Variants in CTBP2 observed in about 807,000 individuals in gnomAD.
CTBP2 encodes C-terminal binding protein 2.
Under a neutral mutation model 80.3 loss-of-function variants are expected in CTBP2, and 30 were observed. The ratio of observed to expected loss-of-function variants is 0.37; its 90% CI spans 0.28 to 0.51. The LOEUF is 0.51. Ranked by LOEUF, CTBP2 falls within the 20% of genes least tolerant of loss-of-function variation. The pLI is 0.93. For synonymous variants in CTBP2, 594 were observed against 587.4 expected, an observed-to-expected ratio of 1.01 and a Z score of -0.16; for missense variants, 1,212 against 1,375.3, an observed-to-expected ratio of 0.88 and a Z score of 1.88.
At position 125,026,571 on chromosome 10, in the gene CTBP2, G is replaced by C. The variant is rs76134089; in HGVS notation, c.1189C>G (p.Pro397Ala). 5.5e-3 allele frequency: 8,508 copies of C among 1,541,548 alleles called. 423 individuals are homozygous for C. The African/African-American group carries it at 0.11, about 20-fold the overall frequency. ...CGGCGAGCCGGGTCTCCAGCTCGGG[G>C]GGATGCTGTCTGCAGAGGAGCCGCA... Residue 397 changes from proline to alanine, a missense_variant, in exon 1 of 9, where the codon CCC becomes GCC. Transcript: ENST00000309035.
Position 125,052,954 on chromosome 10 carries a change from C to T in CTBP2, c.-101-13799G>A, listed in dbSNP as rs140416679. ...TTTCTGACTGTCAAAGCATTCTCTC[C>T]GGTCCATTCTCAAATTCTTCCCCCA... On this transcript the variant is annotated intron_variant, in intron 2 of 10. Transcript: ENST00000337195. Among the ~76,000 whole-genome samples, 408 of 152,322 alleles carry T rather than the reference C, an allele frequency of 2.7e-3. 2 individuals are homozygous for T. The highest frequency in any genetic ancestry group is 8.9e-3 in the African/African-American group (372 of 41,566).
chr10:125,154,192 G>C (rs927064997), intron 1 of CTBP2, among the ~76,000 whole-genome samples: 4 of 152,174 alleles, frequency 2.6e-5, no homozygotes, highest in Non-Finnish European at 4.4e-5. Flanking sequence ...AAGTATTTTT[G>C]TATTTTATAA....
At chr10:125,088,078 C>G (rs896126985) in intron 2 of CTBP2, 1 of 152,354 alleles carries the variant, frequency 6.6e-6, no homozygotes, top group African/African-American at 2.4e-5. Flanking sequence ...GGACGCCAGC[C>G]CACAGAGAAC....
intron 2 of CTBP2, among the ~76,000 whole-genome samples, chr10:125,064,507 G>A (rs1453042195): frequency 6.6e-6 from 1 of 152,068 alleles, no homozygotes; most frequent in African/African-American, 2.4e-5. Flanking sequence ...ACTTCTCAAG[G>A]GAAGAGAGCC....
At chr10:125,072,497 TC>T (rs1402267659) in intron 2 of CTBP2, among the ~76,000 whole-genome samples, 1 of 151,714 alleles carries the variant, frequency 6.6e-6, no homozygotes. Context: ...GCGCCTGTAA[TC>T]CCAGGTCCTC....
At chr10:125,093,246 T>C (rs1849051941) in intron 2 of CTBP2, among the ~76,000 whole-genome samples, 2 of 152,178 alleles carry the variant, frequency 1.3e-5, no homozygotes, top group African/African-American at 4.8e-5. Context: ...ACTCCAGCAA[T>C]CTGAGGGTGG....
At chr10:124,997,133 A>G (rs1216331829) in intron 4 of CTBP2, 1 of 152,230 alleles carries the variant, frequency 6.6e-6, no homozygotes, top group African/African-American at 2.4e-5. Flanking sequence ...AGGCCAGAAC[A>G]TTACTGGCCC....
chr10:124,994,259 C>G (rs1589918172), intron 5 of CTBP2, among the ~76,000 whole-genome samples: 1 of 152,202 alleles, frequency 6.6e-6, no homozygotes, highest in African/African-American at 2.4e-5. Flanking sequence ...GAAGCTGGGT[C>G]CTGGCTAGCG....
chr10:125,055,687 A>G (rs896150117), intron 2 of CTBP2, among the ~76,000 whole-genome samples: 1 of 152,220 alleles, frequency 6.6e-6, no homozygotes, highest in African/African-American at 2.4e-5. Context: ...TCTCCAGAGC[A>G]GACACAGAAC....
At chr10:125,061,538 A>T (rs527945644) in intron 2 of CTBP2, among the ~76,000 whole-genome samples, 5 of 152,170 alleles carry the variant, frequency 3.3e-5, no homozygotes, top group Non-Finnish European at 7.4e-5. Flanking sequence ...TTTGACACCA[A>T]ATCCCACACA....
At chr10:125,151,917 C>CG (rs1565054533) in intron 1 of CTBP2, among the ~76,000 whole-genome samples, 2 of 152,166 alleles carry the variant, frequency 1.3e-5, no homozygotes, top group South Asian at 2.1e-4. Context: ...GGGCACGGAG[C>CG]GGGGGGAGGG....
At chr10:125,098,903 C>T (rs527295929) in intron 2 of CTBP2, among the ~76,000 whole-genome samples, 3 of 152,150 alleles carry the variant, frequency 2.0e-5, no homozygotes, top group African/African-American at 4.8e-5. Context: ...CTCCTCCCTG[C>T]GCCCCCTCCA....
chr10:125,002,326 C>T (rs1195884469), intron 3 of CTBP2, among the ~76,000 whole-genome samples: 1 of 152,180 alleles, frequency 6.6e-6, no homozygotes, highest in Non-Finnish European at 1.5e-5. Context: ...GGGCAGAGGC[C>T]CCCCTCAACA....
Position 125,040,454 on chromosome 10 carries a change from T to A in CTBP2, c.-101-1299A>T, listed in dbSNP as rs1168349821. Among the ~76,000 whole-genome samples the A allele has an allele frequency of 3.8e-5, 4 of 104,436 alleles. No homozygotes were observed. The South Asian group carries it at 1.0e-3, about 27-fold the overall frequency. The allele number at this position is 104,436 out of a possible 152,430, so 68.5% of individuals were successfully genotyped here. A position where few individuals can be genotyped will look rare whatever the true frequency, so the allele number is the denominator to read the frequency against. ...TGGTGACAGAGCAAGACTCTGTCTT[T>A]AAAAAAAAAAAAAAAAAAAAAAAGG... On this transcript the variant is annotated intron_variant, in intron 2 of 10. Transcript: ENST00000337195.
Position 125,027,318 on chromosome 10 carries a change from A to G in CTBP2, c.442T>C (p.Trp148Arg), listed in dbSNP as rs887741121. 1 of 1,613,698 alleles carries G rather than the reference A, an allele frequency of 6.2e-7. No homozygotes were observed. Among genetic ancestry groups the G allele is most frequent in the South Asian group, 1.1e-5 (1 of 91,070 alleles). The change falls in exon 1 of 9, where the codon TGG (tryptophan) becomes CGG (arginine). Residue 148 changes from tryptophan (W) to arginine (R), a missense_variant. By Grantham distance (101) the Trp-to-Arg change is moderately radical (BLOSUM62 -3). Around this residue, in one of 3 missense-constraint regions of CTBP2, gnomAD observed 848 missense variants for 782.3 expected, o/e 1.08. Coordinates refer to ENST00000309035, the MANE Select transcript of CTBP2 (RefSeq NM_022802.3). Reference sequence around the variant, plus strand: ...GGTGACCGGCCTTGCATTGGATCCCATGACGTTCTGCTGCCAAGCACTCCG... The same window carrying G: ...GGTGACCGGCCTTGCATTGGATCCCGTGACGTTCTGCTGCCAAGCACTCCG...
At chr10:125,004,251 C>T (rs568993830) in intron 1 of CTBP2, among the ~76,000 whole-genome samples, 17 of 152,282 alleles carry the variant, frequency 1.1e-4, no homozygotes, top group African/African-American at 3.6e-4. Context: ...TGCATCTAGA[C>T]GTTCAGCAGG....
At chr10:125,156,318 T>A (rs980496766) in intron 1 of CTBP2, among the ~76,000 whole-genome samples, 7 of 152,236 alleles carry the variant, frequency 4.6e-5, no homozygotes, top group African/African-American at 1.7e-4. Flanking sequence ...ACATACATTA[T>A]GATGACAGCC....
chr10:125,007,299 C>T lies in CTBP2; in HGVS notation c.1679-3807G>A, dbSNP rs369571402. Among the ~76,000 whole-genome samples the T allele has an allele frequency of 3.3e-5, 5 of 152,378 alleles. No homozygotes were observed. In the East Asian group the frequency reaches 7.7e-4, roughly 23 times the overall value. ...TTGCGTGTGCACCAGGACGGCCCTGCCCCTCCGTCCGGGATGTGCTGTGCA... is the reference window on the plus strand; with the variant it reads ...TTGCGTGTGCACCAGGACGGCCCTGTCCCTCCGTCCGGGATGTGCTGTGCA... On this transcript the variant is annotated intron_variant, in intron 1 of 8. Transcript: ENST00000309035.
rs555115470 is a variant in CTBP2 at position 125,084,464 on chromosome 10, C to T, written c.-102+26526G>A. ...TGTGCCTACCCCAGGAGGGGCTGGC[C>T]TCTAGGTGGAGTCCCTACCAGTCCG... On this transcript the variant is annotated intron_variant, in intron 2 of 10. Transcript: ENST00000337195. Among the ~76,000 whole-genome samples, 771 of 152,288 alleles carry T rather than the reference C, an allele frequency of 5.1e-3. 6 individuals carry two copies. Among genetic ancestry groups the T allele is most frequent in the African/African-American group, 0.017 (709 of 41,556 alleles).
Sources: allele counts gnomAD v4.1 joint callset (sites outside exome capture counted in the v4.1 genomes callset), GRCh38; gene constraint gnomAD v4.1.1; regional missense constraint gnomAD v4.1.1; transcripts MANE v1.5; gene names NCBI Gene and HGNC (gene_info 2026-07-23, HGNC 2026-07-21).